The following PDE4A variants were observed in gnomAD, a reference collection of about 807,000 sequenced individuals.
PDE4A encodes the protein 3',5'-cyclic-AMP phosphodiesterase 4A.
In PDE4A, 21 loss-of-function variants were observed where a neutral mutation model predicts 73.9. That is an observed-to-expected ratio of 0.28 (90% CI 0.20 to 0.41). The LOEUF (loss-of-function observed/expected upper bound fraction) is 0.41, where lower values mean the gene tolerates loss of function less well. PDE4A is among the 10% of genes least tolerant of loss of function. The pLI, the probability that PDE4A is intolerant of heterozygous loss-of-function variation, is 1.00. For missense variants in PDE4A, 958 were observed against 1,211.4 expected, an observed-to-expected ratio of 0.79 and a Z score of 3.10; for synonymous variants, 463 against 505.4, an observed-to-expected ratio of 0.92 and a Z score of 1.13.
intron 2 of PDE4A, among the ~76,000 whole-genome samples, chr19:10,447,429 G>A (rs1487575908): frequency 2.0e-5 from 3 of 149,508 alleles, no homozygotes; most frequent in Non-Finnish European, 4.4e-5. Context: ...GTTTCACCTT[G>A]TTAGCCAGGA....
chr19:10,444,573 T>C (rs891830664), intron 1 of PDE4A, among the ~76,000 whole-genome samples: 8 of 151,636 alleles, frequency 5.3e-5, no homozygotes, highest in Non-Finnish European at 8.8e-5. Context: ...GGCAGTGACA[T>C]TTGAGCAGAG....
chr19:10,424,509 C>G lies in PDE4A; in HGVS notation c.320+3425C>G, dbSNP rs1213966794. ...CTGCTGGACGACGAGGAAGGCACAG[C>G]CTGGGTGTGCGCTCCGAGCGCGGAC... On this transcript the variant is annotated intron_variant, in intron 1 of 14. Coordinates refer to ENST00000380702, the MANE Select transcript of PDE4A (RefSeq NM_001111307.2). The surrounding 1 kb of genome is among the most constrained non-coding windows in gnomAD (Gnocchi z 4.8). 1.3e-5 allele frequency among the ~76,000 whole-genome samples: 2 copies of G among 152,256 alleles called. No homozygotes were observed. Among genetic ancestry groups the G allele is most frequent in the Non-Finnish European group, 1.5e-5 (1 of 68,046 alleles).
At position 10,466,887 on chromosome 19, in the gene PDE4A, G is replaced by A; in HGVS notation, c.1927G>A (p.Val643Met). 1 of 1,610,414 alleles carries A rather than the reference G, an allele frequency of 6.2e-7. No individual in the cohort carries two copies. The highest frequency in any genetic ancestry group is 8.5e-7 in the Non-Finnish European group (1 of 1,177,424). ...TTTATACTTTCTTCCCCTCCACCAG[G>A]TGGGTTTTATTGACTACATTGTGCA... ...KHTASVEKSQ[V>M]GFIDYIVHPL... The change falls in exon 15 of 15, where the codon GTG becomes ATG. Residue 643 changes from valine to methionine, a missense_variant and splice_region_variant. Physicochemically the swap from Val to Met is conservative, Grantham distance 21. Around this residue, in one of 3 missense-constraint regions of PDE4A, gnomAD observed 570 missense variants for 827.7 expected, o/e 0.69. Coordinates refer to ENST00000380702, the MANE Select transcript of PDE4A (RefSeq NM_001111307.2).
At chr19:10,434,604 T>G (rs879226897) in intron 1 of PDE4A, among the ~76,000 whole-genome samples, 1 of 151,462 alleles carries the variant, frequency 6.6e-6, no homozygotes, top group Non-Finnish European at 1.5e-5. Flanking sequence ...TTTTTTTTCT[T>G]TCTTGAGATG....
At chr19:10,435,744 G>A (rs1406087809) in intron 1 of PDE4A, among the ~76,000 whole-genome samples, 3 of 152,178 alleles carry the variant, frequency 2.0e-5, no homozygotes, top group Non-Finnish European at 2.9e-5. Flanking sequence ...CCATGGGGAT[G>A]TTGCTGGAGT....
chr19:10,440,383 C>G (rs2042921491), intron 1 of PDE4A, among the ~76,000 whole-genome samples: 1 of 151,908 alleles, frequency 6.6e-6, no homozygotes, highest in Non-Finnish European at 1.5e-5. Context: ...TGCAGATATG[C>G]CTATTCAAGT....
intron 1 of PDE4A, among the ~76,000 whole-genome samples, chr19:10,435,169 C>T (rs2042848351): frequency 6.6e-6 from 1 of 152,080 alleles, no homozygotes. Context: ...CCTCAACAAG[C>T]CCAATTTCAT....
chr19:10,423,549 C>G (rs2042678115), intron 1 of PDE4A, among the ~76,000 whole-genome samples: 1 of 152,276 alleles, frequency 6.6e-6, no homozygotes, highest in South Asian at 2.1e-4. Flanking sequence ...TCCTGTGCAT[C>G]TTTGTATAAG....
chr19:10,455,490 C>G (rs1022605011), intron 7 of PDE4A, among the ~76,000 whole-genome samples: 1 of 150,944 alleles, frequency 6.6e-6, no homozygotes, highest in African/African-American at 2.4e-5. Flanking sequence ...AAATATTAGC[C>G]GGGCATGGTG....
chr19:10,417,937 C>A (rs1388861566), upstream of PDE4A: 48 of 1,467,094 alleles, frequency 3.3e-5, no homozygotes, highest in Non-Finnish European at 4.3e-5. Flanking sequence ...GGTCCAGCCA[C>A]CAGCCCTTCC....
chr19:10,432,596 CCT>C (rs139275433), intron 1 of PDE4A: 210,676 of 1,510,746 alleles, frequency 0.14, 16,079 homozygotes, highest in African/African-American at 0.28. Context: ...GCCAGTCAGT[CCT>C]CTCTTTTAAT....
Position 10,467,457 on chromosome 19 carries a change from G to A in PDE4A, c.2497G>A (p.Ala833Thr), listed in dbSNP as rs1430138589. The A allele has an allele frequency of 6.2e-7, 1 of 1,613,344 alleles. No individual in the cohort carries two copies. Among genetic ancestry groups the A allele is most frequent in the Non-Finnish European group, 8.5e-7 (1 of 1,179,728 alleles). Residue 833 changes from alanine to threonine, a missense_variant, in exon 15 of 15, where the codon GCC becomes ACC. Ala to Thr is a moderately conservative substitution (Grantham distance 58, BLOSUM62 0). This residue lies in a region of PDE4A where 243 missense variants were observed against 245.9 expected (regional missense o/e 0.99). Transcript: ENST00000380702. ...AWRTLSVSEH[A>T]PGLPGLPSTA... is the part of the protein sequence containing the mutation. ...GAGGACCCTGTCTGTTTCAGAGCAT[G>A]CCCCGGGCCTCCCGGGCCTCCCCTC...
intron 6 of PDE4A, among the ~76,000 whole-genome samples, chr19:10,452,023 GTGTGT>G (rs2043098911): frequency 6.3e-5 from 3 of 47,706 alleles, no homozygotes; most frequent in South Asian, 6.4e-4. Context: ...CTGCAATGGT[GTGTGT>G]GTGTGTGTGT....
chr19:10,439,049 C>G (rs2042902378), intron 1 of PDE4A, among the ~76,000 whole-genome samples: 1 of 152,172 alleles, frequency 6.6e-6, no homozygotes, highest in African/African-American at 2.4e-5. Flanking sequence ...GTGAATTACG[C>G]TGCTGTGAAC....
At chr19:10,417,642 C>T, upstream of PDE4A, 1 of 1,580,906 alleles carries the variant, frequency 6.3e-7, no homozygotes, top group Non-Finnish European at 8.5e-7. Context: ...GCCCCTATTC[C>T]ACTTTGTCCC....
At chr19:10,463,024 T>TTTTCC (rs1491103830) in intron 13 of PDE4A, among the ~76,000 whole-genome samples, 8 of 152,066 alleles carry the variant, frequency 5.3e-5, no homozygotes, top group South Asian at 2.1e-4. Context: ...CAAGATCCTC[T>TTTTCC]TTTCCTTTCC....
At chr19:10,417,595 T>C (rs2145433069), upstream of PDE4A, 1 of 1,511,358 alleles carries the variant, frequency 6.6e-7, no homozygotes, top group Admixed American at 2.0e-5. Context: ...AGGGGTGTTC[T>C]TGGGGAGAGG....
At chr19:10,463,327 T>C (rs2043307007) in intron 13 of PDE4A, among the ~76,000 whole-genome samples, 1 of 151,624 alleles carries the variant, frequency 6.6e-6, no homozygotes, top group Non-Finnish European at 1.5e-5. Context: ...TGACCTCAAG[T>C]GATCTGCCCA....
chr19:10,442,827 C>T (rs2042955951), intron 1 of PDE4A, among the ~76,000 whole-genome samples: 4 of 147,802 alleles, frequency 2.7e-5, no homozygotes, highest in Admixed American at 2.0e-4. Flanking sequence ...TATATAATAT[C>T]AGTAATATTA....
Sources: gnomAD v4.1 joint callset for allele counts (sites outside exome capture counted in the v4.1 genomes callset) on GRCh38, gnomAD v4.1.1 for gene constraint, gnomAD v4.1.1 regional missense constraint, Gnocchi (gnomAD v3.1) non-coding constraint, MANE v1.5 for transcripts, NCBI Gene and HGNC (gene_info 2026-07-23, HGNC 2026-07-21) for gene names.